Variants in GOLGA3 observed in about 807,000 individuals in gnomAD.
The protein encoded by GOLGA3 is golgin subfamily A member 3.
A neutral mutation model predicts 169.4 loss-of-function variants in GOLGA3; 75 were observed. The ratio of observed to expected loss-of-function variants is 0.44; its 90% CI spans 0.37 to 0.54. The LOEUF is 0.54. Among genes scored for constraint, GOLGA3 ranks in the 20% least tolerant of loss-of-function variants. The pLI is 0.00. For synonymous variants in GOLGA3, 824 were observed against 822.4 expected, an observed-to-expected ratio of 1.00 and a Z score of -0.03; for missense variants, 1,899 against 1,930.0, an observed-to-expected ratio of 0.98 and a Z score of 0.30.
At chr12:132,799,740 T>G (rs932026316) in intron 8 of GOLGA3, among the ~76,000 whole-genome samples, 4 of 145,424 alleles carry the variant, frequency 2.8e-5, no homozygotes, top group South Asian at 2.2e-4. Flanking sequence ...TTGTTGTTGG[T>G]TTTTTTTTTT....
At chr12:132,811,074 C>T (rs945618048) in intron 4 of GOLGA3, among the ~76,000 whole-genome samples, 14 of 152,238 alleles carry the variant, frequency 9.2e-5, no homozygotes, top group African/African-American at 2.2e-4. Flanking sequence ...ACGTGACCCA[C>T]GTGACCTTAC....
rs1203173175 is a variant in GOLGA3 at position 132,777,960 on chromosome 12, G to A, written c.3583-155C>T. ...GGCCTGTCAAGTTCCTTGTAAAGAT[G>A]AAACCACCTGACCCGGAGCTCGGCA... On this transcript the variant is annotated intron_variant, in intron 18 of 23. Transcript: ENST00000450791. The surrounding 1 kb of genome is among the most constrained non-coding windows in gnomAD (Gnocchi z 4.7). Among the ~76,000 whole-genome samples, 6 of 152,254 alleles carry A rather than the reference G, an allele frequency of 3.9e-5. No individual in the cohort carries two copies. The highest frequency in any genetic ancestry group is 6.5e-5 in the Admixed American group (1 of 15,282).
chr12:132,797,485 CG>C (rs1566104571), intron 9 of GOLGA3, among the ~76,000 whole-genome samples: 3 of 152,112 alleles, frequency 2.0e-5, no homozygotes, highest in Non-Finnish European at 4.4e-5. Flanking sequence ...CCGAGGCAGG[CG>C]GATCACCTGA....
At chr12:132,790,749 T>C (rs2046181142) in intron 12 of GOLGA3, among the ~76,000 whole-genome samples, 1 of 151,510 alleles carries the variant, frequency 6.6e-6, no homozygotes. Flanking sequence ...TAAGTACCTT[T>C]AAAAAAAGTT....
chr12:132,813,219 A>T (rs1949802044), intron 4 of GOLGA3, 88 bp downstream of exon 4: 1 of 840,266 alleles, frequency 1.2e-6, no homozygotes, highest in Non-Finnish European at 2.0e-6. Flanking sequence ...CAGAGAAGCC[A>T]ATGGCAGGTC....
chr12:132,810,933 A>G (rs955927468), intron 4 of GOLGA3, among the ~76,000 whole-genome samples: 1 of 152,224 alleles, frequency 6.6e-6, no homozygotes, highest in Non-Finnish European at 1.5e-5. Context: ...TGCCTTTTAG[A>G]TAACAGTAGC....
At chr12:132,806,531 T>C (rs1949412031) in intron 6 of GOLGA3, among the ~76,000 whole-genome samples, 1 of 152,238 alleles carries the variant, frequency 6.6e-6, no homozygotes, top group South Asian at 2.1e-4. Flanking sequence ...CTCCGGACAC[T>C]GTGAGCAGCT....
At chr12:132,806,061 C>G (rs575396253) in intron 6 of GOLGA3, among the ~76,000 whole-genome samples, 1 of 152,330 alleles carries the variant, frequency 6.6e-6, no homozygotes, top group South Asian at 2.1e-4. Flanking sequence ...GCCCCACCAC[C>G]TGCCCCCACG....
intron 18 of GOLGA3, among the ~76,000 whole-genome samples, chr12:132,778,822 G>C (rs1239411309): frequency 6.6e-6 from 1 of 151,200 alleles, no homozygotes; most frequent in Non-Finnish European, 1.5e-5. Context: ...TTGAACCCGG[G>C]AGGCAGAGGT....
At position 132,777,224 on chromosome 12, in the gene GOLGA3, T is replaced by C. The variant is rs2045296944; in HGVS notation, c.3723-134A>G. On this transcript the variant is annotated intron_variant, in intron 19 of 23. Transcript: ENST00000450791. This position sits in a 1 kb window ranked among gnomAD's most constrained non-coding sequence, Gnocchi z 4.7. ...TGCTGTGCACTGCGTGCTGCAGCCA[T>C]GCTTGGTGCCCACAGTGTGCACTCG... The C allele has an allele frequency of 3.2e-6, 3 of 924,310 alleles. No individual in the cohort carries two copies. Among genetic ancestry groups the C allele is most frequent in the South Asian group, 3.4e-5 (2 of 58,824 alleles). The allele number at this position is 924,310 out of a possible 1,614,324, so 57.3% of individuals were successfully genotyped here. A position where few individuals can be genotyped will look rare whatever the true frequency, so the allele number is the denominator to read the frequency against.
intron 11 of GOLGA3, among the ~76,000 whole-genome samples, chr12:132,792,617 TG>T (rs1948590223): frequency 6.8e-6 from 1 of 146,706 alleles, no homozygotes; most frequent in African/African-American, 2.5e-5. Flanking sequence ...CCACGGGACC[TG>T]CACTCCGAGG....
Position 132,807,970 on chromosome 12 carries a change from C to T in GOLGA3, c.1099G>A (p.Ala367Thr). 6.2e-7 allele frequency: 1 copy of T among 1,613,466 alleles called. No homozygotes were observed. The highest frequency in any genetic ancestry group is 8.5e-7 in the Non-Finnish European group (1 of 1,179,862). Residue 367 changes from alanine to threonine, a missense_variant, in exon 5 of 24, where the codon GCC (alanine) becomes ACC (threonine). By Grantham distance (58) the Ala-to-Thr change is moderately conservative (BLOSUM62 0). Coordinates refer to ENST00000450791, the MANE Select transcript of GOLGA3 (RefSeq NM_001389683.1). ...QFPSIKDVLQ[A>T]AAAEHQDQGQ... ...TGGTCTTGGTGCTCAGCGGCTGCGG[C>T]CTGGAGGACGTCCTTAATGGAGGGG...
rs199942065 is a variant in GOLGA3, at chr12:132,777,780, C to T, written c.3608G>A (p.Gly1203Glu). 61 of 1,613,594 alleles carry T rather than the reference C, an allele frequency of 3.8e-5. No homozygotes were observed. The East Asian group carries it at 1.3e-3, about 35-fold the overall frequency. Residue 1203 changes from glycine (G) to glutamate (E), a missense_variant, in exon 19 of 24, where the codon GGG (glycine) becomes GAG (glutamate). Transcript: ENST00000450791. This position sits in a 1 kb window ranked among gnomAD's most constrained non-coding sequence, Gnocchi z 4.7. ...EQVAAAKVEAGHNRRHFKAAS... is the reference protein window; with the variant it reads ...EQVAAAKVEAEHNRRHFKAAS... ...CGCCTTGAAGTGGCGGCGGTTATGC[C>T]CGGCTTCCACCTTGGCAGCAGCCAC...
In GOLGA3 at chr12:132,775,220, T is replaced by G. The variant is rs547405557; in HGVS notation, c.4064A>C (p.Glu1355Ala). 13 of 1,614,144 alleles carry G rather than the reference T, an allele frequency of 8.1e-6. No homozygotes were observed. The South Asian group carries it at 1.4e-4, about 18-fold the overall frequency. The change falls in exon 22 of 24, where the codon GAG becomes GCG. Residue 1355 changes from glutamate (E) to alanine (A), a missense_variant. Coordinates refer to ENST00000450791, the MANE Select transcript of GOLGA3 (RefSeq NM_001389683.1). The part of the protein sequence containing the change: ...DKFMLQAKVS[E>A]LKNNMKTLLQ... The stretch of plus-strand genomic sequence containing the variant: ...CAGGGTCTTCATGTTGTTCTTCAGC[T>G]CCGACACTTTTGCCTGGAGCATAAA...
chr12:132,814,161 A>T (rs1949852652), intron 3 of GOLGA3, among the ~76,000 whole-genome samples: 1 of 150,202 alleles, frequency 6.7e-6, no homozygotes, highest in Non-Finnish European at 1.5e-5. Context: ...AGTAGGTGGG[A>T]TTACAGGCAT....
chr12:132,807,195 C>T lies in GOLGA3; in HGVS notation c.1272G>A (p.Leu424=), dbSNP rs781164308. Residue 424 remains leucine (L), a synonymous_variant, in exon 6 of 24, where the codon TTG becomes TTA. Coordinates refer to ENST00000450791, the MANE Select transcript of GOLGA3 (RefSeq NM_001389683.1). ...CCGTTACCTGACTCGCCTCCAGTGACAAGGCTTCCAGCTGTCCTTCGAGTC... is the reference window on the plus strand; with the variant it reads ...CCGTTACCTGACTCGCCTCCAGTGATAAGGCTTCCAGCTGTCCTTCGAGTC... ...KMRLEGQLEA[L]SLEASQALKE... 19 of 1,605,308 alleles carry T rather than the reference C, an allele frequency of 1.2e-5. No individual in the cohort carries two copies. In the Admixed American group the frequency reaches 1.9e-4, roughly 16 times the overall value.
At chr12:132,796,803 C>T in intron 9 of GOLGA3, 103 bp from the exon 10 acceptor site, 3 of 1,103,626 alleles carry the variant, frequency 2.7e-6, no homozygotes, top group South Asian at 1.4e-5. Context: ...CTGGCATGGG[C>T]CCCATCCACC....
At chr12:132,814,466 A>T (rs1949868009) in intron 3 of GOLGA3, among the ~76,000 whole-genome samples, 1 of 152,198 alleles carries the variant, frequency 6.6e-6, no homozygotes, top group Non-Finnish European at 1.5e-5. Context: ...AGAACCTGAA[A>T]CGCCGGCACC....
intron 16 of GOLGA3, chr12:132,783,899 A>G (rs2045753704): frequency 2.1e-6 from 3 of 1,426,322 alleles, no homozygotes; most frequent in South Asian, 3.1e-5. Context: ...ATTTGCAACC[A>G]AAGCATTTGA....
Sources: gnomAD v4.1 joint callset for allele counts (sites outside exome capture counted in the v4.1 genomes callset) on GRCh38, gnomAD v4.1.1 for gene constraint, Gnocchi (gnomAD v3.1) non-coding constraint, MANE v1.5 for transcripts, NCBI Gene and HGNC (gene_info 2026-07-23, HGNC 2026-07-21) for gene names.